The following VPS13B variants were observed in gnomAD, a reference collection of about 807,000 sequenced individuals.
VPS13B encodes vacuolar protein sorting 13 homolog B, also known as intermembrane lipid transfer protein VPS13B.
A neutral mutation model predicts 426.4 loss-of-function variants in VPS13B; 285 were observed. The ratio of observed to expected loss-of-function variants is 0.67; its 90% confidence interval spans 0.61 to 0.74. The LOEUF (loss-of-function observed/expected upper bound fraction) is 0.74. Ranked by LOEUF, VPS13B falls within the 30% of genes least tolerant of loss-of-function variation. VPS13B has a pLI of 0.00. For missense variants in VPS13B, 4,537 were observed against 4,782.6 expected (o/e 0.95, Z 1.51); for synonymous variants, 1,676 against 1,676.4 (o/e 1.00, Z 0.01).
intron 17 of VPS13B, among the ~76,000 whole-genome samples, chr8:99,273,930 T>A (rs1038694965): frequency 9.2e-5 from 14 of 152,344 alleles, no homozygotes; most frequent in Admixed American, 3.9e-4. Context: ...TTGTTTTTTT[T>A]AAAAAGTATT....
intron 34 of VPS13B, among the ~76,000 whole-genome samples, chr8:99,645,204 G>C (rs2133937022): frequency 6.6e-6 from 1 of 152,284 alleles, no homozygotes. Context: ...CTGTGTCTGT[G>C]ATGTGATTAC....
intron 22 of VPS13B, 84 bp downstream of exon 22, chr8:99,431,748 T>G: frequency 7.1e-7 from 1 of 1,417,958 alleles, no homozygotes; most frequent in Non-Finnish European, 9.7e-7. Flanking sequence ...GTAAGACTTT[T>G]CTCACATGTA....
chr8:99,164,839 CCTCT>C (rs1175719264), intron 15 of VPS13B, among the ~76,000 whole-genome samples: 1 of 151,984 alleles, frequency 6.6e-6, no homozygotes, highest in Non-Finnish European at 1.5e-5. Flanking sequence ...TCTGTCTCTT[CCTCT>C]CTCTGTCTTT....
chr8:99,706,155 A>G (rs1832488473), intron 36 of VPS13B, among the ~76,000 whole-genome samples: 1 of 152,062 alleles, frequency 6.6e-6, no homozygotes, highest in Non-Finnish European at 1.5e-5. Flanking sequence ...ACCCCCACTT[A>G]TAACCACCAC....
chr8:99,160,388 G>A (rs1038590948), intron 15 of VPS13B, among the ~76,000 whole-genome samples: 4 of 152,148 alleles, frequency 2.6e-5, no homozygotes, highest in Admixed American at 1.3e-4. Flanking sequence ...GCTGGGTATC[G>A]TGGCTAACGC....
At chr8:99,245,624 G>A (rs559747622) in intron 17 of VPS13B, among the ~76,000 whole-genome samples, 1 of 152,136 alleles carries the variant, frequency 6.6e-6, no homozygotes, top group African/African-American at 2.4e-5. Flanking sequence ...ACAGTGGTGC[G>A]ATCTTGGCTC....
intron 44 of VPS13B, 69 bp from the exon 45 acceptor site, chr8:99,817,471 G>A: frequency 1.3e-6 from 2 of 1,573,144 alleles, no homozygotes; most frequent in Non-Finnish European, 1.7e-6. Flanking sequence ...TACTCTGTTT[G>A]AATGATAACA....
chr8:99,703,697 CT>C (rs370950432), intron 36 of VPS13B, among the ~76,000 whole-genome samples: 7 of 152,202 alleles, frequency 4.6e-5, no homozygotes, highest in Middle Eastern at 3.4e-3. Context: ...AAATATGTAG[CT>C]TTGGAGAAAC....
At chr8:99,420,169 A>T (rs1361312727) in intron 21 of VPS13B, among the ~76,000 whole-genome samples, 2 of 152,172 alleles carry the variant, frequency 1.3e-5, no homozygotes, top group Non-Finnish European at 2.9e-5. Flanking sequence ...TTACTATGAA[A>T]ACTGAATTAT....
intron 34 of VPS13B, among the ~76,000 whole-genome samples, chr8:99,644,827 C>A (rs1244801235): frequency 6.6e-6 from 1 of 152,034 alleles, no homozygotes; most frequent in African/African-American, 2.4e-5. Flanking sequence ...AATACAATGG[C>A]TAAAAATAAA....
In VPS13B at chr8:99,832,353, T is replaced by TTTTTTTTTTTTTTTTTTTTTTTTTTTG; in HGVS notation, c.9331-3_9331-2insTTTTTTTTTTTTTGTTTTTTTTTTTTT. On this transcript the variant is annotated splice_polypyrimidine_tract_variant and intron_variant, in intron 51 of 61. Transcript: ENST00000357162. ...ATGTGCTCTCTGCATTTTTTTTTTT[T>TTTTTTTTTTTTTTTTTTTTTTTTTTTG]TTTTTTTTTTTTTAGTATTTTCGTG... The TTTTTTTTTTTTTTTTTTTTTTTTTTTG allele has an allele frequency of 6.8e-7, 1 of 1,465,208 alleles. No homozygotes were observed. The highest frequency in any genetic ancestry group is 2.4e-5 in the Admixed American group (1 of 40,932). 90.8% of individuals were successfully genotyped at this position (1,465,208 alleles called of 1,614,324 possible). A position where few individuals can be genotyped will look rare whatever the true frequency, so the allele number is the denominator to read the frequency against.
intron 31 of VPS13B, among the ~76,000 whole-genome samples, chr8:99,558,033 G>A (rs901711306): frequency 3.9e-5 from 6 of 152,074 alleles, no homozygotes; most frequent in Non-Finnish European, 7.4e-5. Context: ...AGACTTCATT[G>A]TATGCCTTTT....
rs190996761 is a variant in VPS13B, at chr8:99,053,049, C to T, written c.291+14483C>T. Among the ~76,000 whole-genome samples, 71 of 151,840 alleles carry T rather than the reference C, an allele frequency of 4.7e-4. No homozygotes were observed. In the East Asian group the frequency reaches 0.012, roughly 25 times the overall value. On this transcript the variant is annotated intron_variant, in intron 3 of 61. Transcript: ENST00000357162. The stretch of plus-strand genomic sequence containing the variant: ...TTATTTCCTTCAGTTGTGCTCTGAT[C>T]TTAGTTATTTCTTGCCTTCTGCTAG...
intron 19 of VPS13B, among the ~76,000 whole-genome samples, chr8:99,338,494 A>T (rs911528087): frequency 2.0e-5 from 3 of 152,106 alleles, no homozygotes; most frequent in Non-Finnish European, 2.9e-5. Flanking sequence ...AATTATACTT[A>T]CTGAGAAAAT....
chr8:99,351,045 C>A (rs911890197), intron 19 of VPS13B, among the ~76,000 whole-genome samples: 4 of 151,960 alleles, frequency 2.6e-5, no homozygotes, highest in Non-Finnish European at 4.4e-5. Flanking sequence ...ATAAGAAGTG[C>A]AGATTTTCTT....
intron 39 of VPS13B, among the ~76,000 whole-genome samples, chr8:99,758,074 CA>C (rs1563902949): frequency 6.6e-6 from 1 of 152,190 alleles, no homozygotes; most frequent in African/African-American, 2.4e-5. Flanking sequence ...GCATTAATAA[CA>C]AATCCTTAGT....
intron 43 of VPS13B, among the ~76,000 whole-genome samples, chr8:99,788,140 T>C (rs557226464): frequency 6.6e-6 from 1 of 152,098 alleles, no homozygotes; most frequent in Non-Finnish European, 1.5e-5. Context: ...GAGGATTACT[T>C]GAGGCCAGAA....
At chr8:99,024,839 G>T (rs1449896882) in intron 2 of VPS13B, among the ~76,000 whole-genome samples, 1 of 152,138 alleles carries the variant, frequency 6.6e-6, no homozygotes, top group Non-Finnish European at 1.5e-5. Context: ...GTAAAGAATA[G>T]CATTGATAAT....
chr8:99,024,024 G>C (rs1842025529), intron 2 of VPS13B, among the ~76,000 whole-genome samples: 1 of 152,172 alleles, frequency 6.6e-6, no homozygotes, highest in African/African-American at 2.4e-5. Flanking sequence ...CCCACCAAAA[G>C]TGTGTAAGTG....
Sources: allele counts gnomAD v4.1 joint callset (sites outside exome capture counted in the v4.1 genomes callset), GRCh38; gene constraint gnomAD v4.1.1; transcripts MANE v1.5; gene names NCBI Gene and HGNC (gene_info 2026-07-23, HGNC 2026-07-21).